The following KANSL1 variants were observed in gnomAD, a reference collection of about 807,000 sequenced individuals.
The protein encoded by KANSL1 is KAT8 regulatory NSL complex subunit 1, also known as MLL1/MLL complex subunit KANSL1.
A neutral mutation model predicts 103.6 loss-of-function variants in KANSL1; 22 were observed. The observed-to-expected ratio is 0.21, with a 90% CI of 0.15 to 0.30. KANSL1 has a LOEUF of 0.30. KANSL1 is among the 10% of genes least tolerant of loss of function. The pLI, the probability that KANSL1 is intolerant of heterozygous loss-of-function variation, is 1.00. For synonymous variants in KANSL1, 600 were observed against 527.6 expected, an observed-to-expected ratio of 1.14 and a Z score of -1.88; for missense variants, 1,337 against 1,399.8, an observed-to-expected ratio of 0.96 and a Z score of 0.72.
chr17:46,158,035 CTT>C (rs887386803), intron 2 of KANSL1, among the ~76,000 whole-genome samples: 7 of 152,232 alleles, frequency 4.6e-5, no homozygotes, highest in African/African-American at 1.7e-4. Context: ...AACCCCAGAT[CTT>C]TTTGTTATTG....
intron 1 of KANSL1, among the ~76,000 whole-genome samples, chr17:46,216,616 A>AAT (rs778351416): frequency 6.8e-6 from 1 of 147,874 alleles, no homozygotes; most frequent in Non-Finnish European, 1.5e-5. Context: ...AAAAAAAAAA[A>AAT]GTTTCAAAGA....
At chr17:46,152,995 G>C (rs1437526119) in intron 2 of KANSL1, 1 of 152,192 alleles carries the variant, frequency 6.6e-6, no homozygotes, top group African/African-American at 2.4e-5. Flanking sequence ...CAGGTCATGA[G>C]CACATCTGAC....
At chr17:46,130,907 T>C (rs2043834266) in intron 2 of KANSL1, among the ~76,000 whole-genome samples, 1 of 152,164 alleles carries the variant, frequency 6.6e-6, no homozygotes, top group South Asian at 2.1e-4. Flanking sequence ...CACTGTAAAA[T>C]AAACACATTT....
intron 2 of KANSL1, among the ~76,000 whole-genome samples, chr17:46,154,940 G>A (rs1220282170): frequency 2.0e-5 from 3 of 152,144 alleles, no homozygotes; most frequent in Admixed American, 2.0e-4. Context: ...GGATTACAAG[G>A]TATAAGCCAC....
intron 1 of KANSL1, among the ~76,000 whole-genome samples, chr17:46,215,524 C>T (rs2048312783): frequency 6.6e-6 from 1 of 152,164 alleles, no homozygotes; most frequent in Non-Finnish European, 1.5e-5. Context: ...GTCACGCAGC[C>T]AAAAGGGCGA....
chr17:46,058,994 C>T (rs910422671), intron 6 of KANSL1, among the ~76,000 whole-genome samples: 1 of 150,274 alleles, frequency 6.7e-6, no homozygotes, highest in Non-Finnish European at 1.5e-5. Flanking sequence ...TTTCAGTGAG[C>T]CAAGGATGTG....
At chr17:46,193,900 ACCACACTATT>A (rs1445564242), upstream of KANSL1, 1 of 155,756 alleles carries the variant, frequency 6.4e-6, no homozygotes, top group African/African-American at 2.4e-5. Flanking sequence ...GGCCGTCGGC[ACCACACTATT>A]CCAAGGCTAA....
intron 1 of KANSL1, among the ~76,000 whole-genome samples, chr17:46,186,265 TC>T (rs1333543596): frequency 1.3e-5 from 2 of 151,330 alleles, no homozygotes; most frequent in Non-Finnish European, 1.5e-5. Context: ...CACCTGTAGT[TC>T]CAGCTACTCG....
At chr17:46,081,509 T>A (rs1032755691) in intron 4 of KANSL1, among the ~76,000 whole-genome samples, 4 of 152,254 alleles carry the variant, frequency 2.6e-5, no homozygotes, top group Non-Finnish European at 5.9e-5. Context: ...AATCTTCTAG[T>A]GTCTTCACAT....
At chr17:46,146,935 G>A (rs1204457967) in intron 2 of KANSL1, among the ~76,000 whole-genome samples, 1 of 151,878 alleles carries the variant, frequency 6.6e-6, no homozygotes, top group Non-Finnish European at 1.5e-5. Flanking sequence ...TGGGCACAGT[G>A]GTGCACATCC....
intron 1 of KANSL1, among the ~76,000 whole-genome samples, chr17:46,180,463 A>G (rs1172945838): frequency 6.6e-6 from 1 of 152,208 alleles, no homozygotes; most frequent in Non-Finnish European, 1.5e-5. Flanking sequence ...GCACCATTGC[A>G]CTCCAGCCTG....
chr17:46,171,506 C>G lies in KANSL1; in HGVS notation c.638G>C (p.Arg213Thr). 3 of 1,614,048 alleles carry G rather than the reference C, an allele frequency of 1.9e-6. No individual in the cohort carries two copies. The highest frequency in any genetic ancestry group is 2.5e-6 in the Non-Finnish European group (3 of 1,179,998). ...AGTTGTGTGTTCTACATCAAGGCTT[C>G]TATGTGGAAGAGTGCAATTGGTCAT... ...GGMTNCTLPH[R>T]SLDVEHTTLY... The change falls in exon 2 of 15, where the codon AGA becomes ACA. Residue 213 changes from arginine to threonine, a missense_variant. Arg to Thr is a moderately conservative substitution (Grantham distance 71, BLOSUM62 -1). Around this residue, in one of 2 missense-constraint regions of KANSL1, gnomAD observed 557 missense variants for 476.4 expected, o/e 1.17. Transcript: ENST00000432791.
At position 46,039,187 on chromosome 17, in the gene KANSL1, G is replaced by A; in HGVS notation, c.2232C>T (p.Asp744=). ...CGTCTAAGTGCTGCCTGTGGGTCCT[G>A]TCAGGCCGGGTTTGGTGATGGGACA... ...AKLSHHQTRP[D]RTHRQHLDDV... The change falls in exon 9 of 15, where the codon GAC becomes GAT. Residue 744 remains aspartate (D), a synonymous_variant. Transcript: ENST00000432791. The A allele has an allele frequency of 1.3e-6, 2 of 1,595,212 alleles. No individual in the cohort carries two copies. The highest frequency in any genetic ancestry group is 1.7e-6 in the Non-Finnish European group (2 of 1,173,580).
chr17:46,037,306 A>T (rs2077179101), intron 10 of KANSL1: 1 of 152,226 alleles, frequency 6.6e-6, no homozygotes, highest in African/African-American at 2.4e-5. Context: ...GACACTACAC[A>T]CCTATTTAGA....
At chr17:46,074,756 C>T (rs557886627) in intron 4 of KANSL1, among the ~76,000 whole-genome samples, 47 of 143,452 alleles carry the variant, frequency 3.3e-4, no homozygotes, top group African/African-American at 1.2e-3. Context: ...AAAGTGAGAC[C>T]CTATCTCTAA....
intron 1 of KANSL1, among the ~76,000 whole-genome samples, chr17:46,186,903 G>T (rs74821257): frequency 1.4e-5 from 2 of 147,894 alleles, no homozygotes; most frequent in Admixed American, 6.8e-5. Flanking sequence ...AATTTTTGCT[G>T]TTTTTTTTTT....
At chr17:46,188,118 T>C (rs1298258726) in intron 1 of KANSL1, among the ~76,000 whole-genome samples, 1 of 152,270 alleles carries the variant, frequency 6.6e-6, no homozygotes, top group Non-Finnish European at 1.5e-5. Context: ...CCTGCCATAC[T>C]AGTCATCTCC....
chr17:46,166,438 G>A (rs1349741673), intron 2 of KANSL1, among the ~76,000 whole-genome samples: 1 of 151,956 alleles, frequency 6.6e-6, no homozygotes. Context: ...CTTGAACCCG[G>A]GAGCCAGAGG....
chr17:46,071,981 C>T (rs1444662525), intron 4 of KANSL1, among the ~76,000 whole-genome samples: 1 of 142,784 alleles, frequency 7.0e-6, no homozygotes, highest in East Asian at 1.9e-4. Flanking sequence ...TTGCTCCCCC[C>T]ACCCCTCCCC....
Sources: gnomAD v4.1 joint callset for allele counts (sites outside exome capture counted in the v4.1 genomes callset) on GRCh38, gnomAD v4.1.1 for gene constraint, gnomAD v4.1.1 regional missense constraint, MANE v1.5 for transcripts, NCBI Gene and HGNC (gene_info 2026-07-23, HGNC 2026-07-21) for gene names.